CREB5: variants seen among roughly 807,000 people sequenced by gnomAD.
CREB5 encodes cAMP responsive element binding protein 5.
CREB5 carries 19 observed loss-of-function variants against 57.1 expected under a neutral mutation model. The ratio of observed to expected loss-of-function variants is 0.33; its 90% confidence interval spans 0.23 to 0.49. CREB5 has a LOEUF of 0.49. CREB5 is among the 20% of genes least tolerant of loss of function. CREB5 has a pLI of 0.99. For synonymous variants in CREB5, 238 were observed against 238.3 expected, an observed-to-expected ratio of 1.00 and a Z score of 0.01; for missense variants, 579 against 671.6, an observed-to-expected ratio of 0.86 and a Z score of 1.52.
At chr7:28,357,167 A>G (rs56035327) in intron 1 of CREB5, among the ~76,000 whole-genome samples, 1 of 152,138 alleles carries the variant, frequency 6.6e-6, no homozygotes, top group South Asian at 2.1e-4. Flanking sequence ...AGAGAGAGTT[A>G]AGGGAAGGCT....
rs565958122 is a variant in CREB5 at position 28,767,839 on chromosome 7, A to G, written c.703-36360A>G. On this transcript the variant is annotated intron_variant, in intron 7 of 10. Transcript: ENST00000357727. ...TCTTCAACCTAAAAGTAGTTTCTAA[A>G]CATCGGTCCTTCCCATGATCCATCT... is the stretch of plus-strand genomic sequence containing the variant. 3.9e-5 allele frequency among the ~76,000 whole-genome samples: 6 copies of G among 152,350 alleles called. No homozygotes were observed. The South Asian group carries it at 1.0e-3, about 26-fold the overall frequency.
At chr7:28,493,156 C>G (rs1476418167) in intron 2 of CREB5, among the ~76,000 whole-genome samples, 2 of 152,200 alleles carry the variant, frequency 1.3e-5, no homozygotes, top group African/African-American at 2.4e-5. Flanking sequence ...TTGCAGAAAA[C>G]ATTTCTACCC....
intron 5 of CREB5, among the ~76,000 whole-genome samples, chr7:28,575,575 C>G (rs1795876672): frequency 6.6e-6 from 1 of 152,264 alleles, no homozygotes; most frequent in Non-Finnish European, 1.5e-5. Context: ...CAGCCTCCTT[C>G]CTGCTGGAGA....
intron 7 of CREB5, among the ~76,000 whole-genome samples, chr7:28,799,102 A>T (rs1175988235): frequency 6.6e-6 from 1 of 152,208 alleles, no homozygotes; most frequent in East Asian, 1.9e-4. Flanking sequence ...GACTTCGAAG[A>T]GTGTCCCACA....
Position 28,674,111 on chromosome 7 carries a change from A to AT in CREB5, c.465-44632dup, listed in dbSNP as rs35604769. ...TTTAAAAGCTTTTGGACTCACGCAGATTTTTTTTTTAAGTTCCTTATCTTT... is the reference window on the plus strand; with the variant it reads ...TTTAAAAGCTTTTGGACTCACGCAGATTTTTTTTTTTAAGTTCCTTATCTTT... On this transcript the variant is annotated intron_variant, in intron 5 of 10. Coordinates refer to ENST00000357727, the MANE Select transcript of CREB5 (RefSeq NM_182898.4). Among the ~76,000 whole-genome samples, 196 of 150,456 alleles carry AT rather than the reference A, an allele frequency of 1.3e-3. 1 individual carries two copies. Among genetic ancestry groups the AT allele is most frequent in the Non-Finnish European group, 2.4e-3 (162 of 67,354 alleles).
chr7:28,397,834 C>T (rs1787370327), intron 1 of CREB5, among the ~76,000 whole-genome samples: 1 of 152,170 alleles, frequency 6.6e-6, no homozygotes, highest in African/African-American at 2.4e-5. Flanking sequence ...TTCTATTCTG[C>T]AGATCAGTGC....
At chr7:28,500,892 A>ACAT (rs1562759387) in intron 3 of CREB5, among the ~76,000 whole-genome samples, 2 of 152,100 alleles carry the variant, frequency 1.3e-5, no homozygotes, top group Non-Finnish European at 2.9e-5. Flanking sequence ...TAGTAAAGGT[A>ACAT]TATAGTAACT....
intron 1 of CREB5, among the ~76,000 whole-genome samples, chr7:28,306,506 G>A (rs1430047219): frequency 3.7e-5 from 4 of 107,754 alleles, no homozygotes; most frequent in East Asian, 5.1e-4. Flanking sequence ...TTAAATGGGC[G>A]ATGAAGAAAA....
chr7:28,526,816 G>T (rs1294040810), intron 4 of CREB5, among the ~76,000 whole-genome samples: 1 of 152,216 alleles, frequency 6.6e-6, no homozygotes, highest in Non-Finnish European at 1.5e-5. Flanking sequence ...AAACAGCTTG[G>T]AGCACAGGCA....
chr7:28,413,152 A>G (rs941671155), intron 1 of CREB5, among the ~76,000 whole-genome samples: 2 of 150,338 alleles, frequency 1.3e-5, no homozygotes, highest in Admixed American at 6.7e-5. Flanking sequence ...TCCCAGGTAA[A>G]ATATGTTCAG....
intron 2 of CREB5, among the ~76,000 whole-genome samples, chr7:28,488,765 C>T (rs926455021): frequency 1.3e-5 from 2 of 152,138 alleles, no homozygotes; most frequent in African/African-American, 2.4e-5. Context: ...ATAAATTGTC[C>T]TGCTGTGTTG....
intron 5 of CREB5, among the ~76,000 whole-genome samples, chr7:28,592,782 A>G (rs1796570103): frequency 6.6e-6 from 1 of 152,232 alleles, no homozygotes; most frequent in Non-Finnish European, 1.5e-5. Context: ...GATGTGTTCT[A>G]TGTGCCAGGC....
At chr7:28,655,783 T>G (rs553702652) in intron 5 of CREB5, among the ~76,000 whole-genome samples, 2 of 152,356 alleles carry the variant, frequency 1.3e-5, no homozygotes, top group Admixed American at 1.3e-4. Flanking sequence ...GTTTTCATAA[T>G]GGTACCATCT....
chr7:28,818,920 T>C lies in CREB5; in HGVS notation c.1364-196T>C, dbSNP rs183942741. ...GAAAGCATGGCTTTGCTCGTAGATA[T>C]AAACTGGAAAGGCATAGCATTGTGA... is the stretch of plus-strand genomic sequence containing the variant. On this transcript the variant is annotated intron_variant, in intron 10 of 10. Coordinates refer to ENST00000357727, the MANE Select transcript of CREB5 (RefSeq NM_182898.4). The C allele has an allele frequency of 2.0e-4, 127 of 625,794 alleles. 2 individuals are homozygous for C. Among genetic ancestry groups the C allele is most frequent in the Admixed American group, 7.6e-4 (27 of 35,358 alleles). The allele number at this position is 625,794 out of a possible 1,614,324, so 38.8% of individuals were successfully genotyped here.
At chr7:28,594,969 C>T (rs1796645723) in intron 5 of CREB5, among the ~76,000 whole-genome samples, 1 of 152,170 alleles carries the variant, frequency 6.6e-6, no homozygotes, top group African/African-American at 2.4e-5. Flanking sequence ...CCCTTATACC[C>T]TGCTTCAGAC....
At chr7:28,367,055 G>A (rs1004820030) in intron 1 of CREB5, among the ~76,000 whole-genome samples, 6 of 152,014 alleles carry the variant, frequency 3.9e-5, no homozygotes, top group Admixed American at 6.6e-5. Context: ...GGAAATTTTC[G>A]GCATACTCTT....
rs114205014 is a variant in CREB5, at chr7:28,328,967, G to A, written c.-25+29526G>A. 8.5e-3 allele frequency among the ~76,000 whole-genome samples: 1,292 copies of A among 152,258 alleles called. 13 individuals carry two copies. The highest frequency in any genetic ancestry group is 0.029 in the African/African-American group (1,206 of 41,528). ...TTGGTGAAGCCAGTTGAATTTTGCC[G>A]GTGACTTACCCTCTCCTTTCTGAGA... On this transcript the variant is annotated intron_variant, in intron 1 of 9. Transcript: ENST00000396299.
At chr7:28,793,970 ATAC>A (rs1807879778) in intron 7 of CREB5, among the ~76,000 whole-genome samples, 1 of 152,208 alleles carries the variant, frequency 6.6e-6, no homozygotes, top group Non-Finnish European at 1.5e-5. Flanking sequence ...AGGCCCTGTG[ATAC>A]ATATGTGGAG....
rs182726854 is a variant in CREB5, at chr7:28,663,054, A to G, written c.465-55699A>G. Among the ~76,000 whole-genome samples the G allele has an allele frequency of 6.8e-3, 1,032 of 151,662 alleles. 12 individuals carry two copies. Among genetic ancestry groups the G allele is most frequent in the African/African-American group, 0.024 (999 of 41,380 alleles). On this transcript the variant is annotated intron_variant, in intron 5 of 10. Coordinates refer to ENST00000357727, the MANE Select transcript of CREB5 (RefSeq NM_182898.4). ...CAGCTACTCTGGAGGCTGAGGTAGG[A>G]GAATCGCTTGAACCTGGGAGGTGGA...
Sources: gnomAD v4.1 joint callset for allele counts (sites outside exome capture counted in the v4.1 genomes callset) on GRCh38, gnomAD v4.1.1 for gene constraint, MANE v1.5 for transcripts, NCBI Gene and HGNC (gene_info 2026-07-23, HGNC 2026-07-21) for gene names.